LPO: variants seen among roughly 807,000 people sequenced by gnomAD.
LPO encodes the protein salivary peroxidase.
In LPO, 70 loss-of-function variants were observed where a neutral mutation model predicts 68.4. The ratio of observed to expected loss-of-function variants is 1.02; its 90% CI spans 0.84 to 1.25. The LOEUF (loss-of-function observed/expected upper bound fraction) is 1.25, where lower values mean the gene tolerates loss of function less well. Ranked by LOEUF, LPO falls within the 50% of genes most tolerant of loss-of-function variation. The probability of loss-of-function intolerance (pLI) is 0.00; values close to 1 mark genes in which losing one functional copy is unlikely to be tolerated. For missense variants in LPO, 873 were observed against 908.4 expected (o/e 0.96, Z 0.50); for synonymous variants, 360 against 357.6 (o/e 1.01, Z -0.08).
Position 58,249,683 on chromosome 17 carries a change from C to G in LPO, c.561C>G (p.Phe187Leu), listed in dbSNP as rs1413753565. Residue 187 changes from phenylalanine (F) to leucine (L), a missense_variant, in exon 6 of 13, where the codon TTC becomes TTG. Transcript: ENST00000262290. ...GWTPGKTRNG[F>L]PLPLAREVSN... ...CGCCGGGGAAGACGCGCAACGGCTT[C>G]CCTCTCCCGCTGGTGAGGGCAGGCC... 1 of 1,572,018 alleles carries G rather than the reference C, an allele frequency of 6.4e-7. No individual in the cohort carries two copies. Among genetic ancestry groups the G allele is most frequent in the Admixed American group, 1.8e-5 (1 of 54,616 alleles).
At chr17:58,256,405 G>A (rs138826511) in intron 9 of LPO, among the ~76,000 whole-genome samples, 3,295 of 145,234 alleles carry the variant, frequency 0.023, 41 homozygotes, top group Middle Eastern at 0.048. Flanking sequence ...CCATTTTTAG[G>A]TGTTTTTTTT....
At position 58,266,446 on chromosome 17, in the gene LPO, A is replaced by C. The variant is rs1970268499; in HGVS notation, c.1693+120A>C. 2.5e-6 allele frequency: 3 copies of C among 1,200,086 alleles called. No individual in the cohort carries two copies. The African/African-American group carries it at 4.7e-5, about 19-fold the overall frequency. 74.3% of individuals were successfully genotyped at this position (1,200,086 alleles called of 1,614,324 possible). On this transcript the variant is annotated intron_variant, in intron 11 of 12. Transcript: ENST00000262290. ...TCTGATCAATTCTGAAACAAAAGTCAGGCCAGTTTTTTTTGTTTGAGGTTT... is the reference window on the plus strand; with the variant it reads ...TCTGATCAATTCTGAAACAAAAGTCCGGCCAGTTTTTTTTGTTTGAGGTTT...
intron 8 of LPO, among the ~76,000 whole-genome samples, chr17:58,253,788 T>C (rs1030715841): frequency 1.3e-5 from 2 of 152,222 alleles, no homozygotes; most frequent in African/African-American, 2.4e-5. Flanking sequence ...CATAAAAATA[T>C]GCACTCACAC....
intron 1 of LPO, among the ~76,000 whole-genome samples, chr17:58,241,123 T>G (rs1969747916): frequency 6.9e-6 from 1 of 145,274 alleles, no homozygotes; most frequent in Admixed American, 6.7e-5. Context: ...CTTTTCTTTT[T>G]TCTTTTTTTT....
At chr17:58,240,203 AG>A in intron 1 of LPO, among the ~76,000 whole-genome samples, 1 of 152,206 alleles carries the variant, frequency 6.6e-6, no homozygotes, top group African/African-American at 2.4e-5. Context: ...TTAGCCAGAG[AG>A]GGTATTGTAT....
intron 1 of LPO, among the ~76,000 whole-genome samples, chr17:58,239,984 G>A (rs1969724003): frequency 6.6e-6 from 1 of 152,110 alleles, no homozygotes; most frequent in Admixed American, 6.5e-5. Flanking sequence ...ACATGCTTAG[G>A]TCCTGGGAAA....
In LPO at chr17:58,268,252, T is replaced by C. The variant is rs569163607; in HGVS notation, c.*258T>C. The stretch of plus-strand genomic sequence containing the variant: ...GAGATGCCCTTCTGCTCCAGCTTGC[T>C]GGATGTTACCTGTCCTCTTCCCTCC... On this transcript the variant is annotated 3_prime_UTR_variant, in exon 13 of 13. Transcript: ENST00000262290. 18 of 510,622 alleles carry C rather than the reference T, an allele frequency of 3.5e-5. No homozygotes were observed. Among genetic ancestry groups the C allele is most frequent in the African/African-American group, 2.5e-4 (13 of 52,030 alleles). 31.6% of individuals were successfully genotyped at this position (510,622 alleles called of 1,614,324 possible). A position where few individuals can be genotyped will look rare whatever the true frequency, so the allele number is the denominator to read the frequency against.
chr17:58,254,551 A>C, intron 8 of LPO: 1 of 329,040 alleles, frequency 3.0e-6, no homozygotes. Context: ...TCATTTTCAT[A>C]GGTAAGGAGA....
At chr17:58,253,976 G>T (rs557528088) in intron 8 of LPO, among the ~76,000 whole-genome samples, 3 of 152,080 alleles carry the variant, frequency 2.0e-5, no homozygotes, top group African/African-American at 7.2e-5. Context: ...GCAACACATG[G>T]TGGCACATGC....
At chr17:58,241,740 A>G (rs1193225268) in intron 1 of LPO, among the ~76,000 whole-genome samples, 1 of 151,630 alleles carries the variant, frequency 6.6e-6, no homozygotes, top group Non-Finnish European at 1.5e-5. Context: ...CAAAAAGTAC[A>G]ACAAGATACA....
In LPO at chr17:58,249,164, G is replaced by T. The variant is rs769716437; in HGVS notation, c.430G>T (p.Asp144Tyr). ...CAGCCCTTACCGCACCATTACGGGA[G>T]ACTGCAATAACAGGTGGCGGGGCTT... ...PCSPYRTITGDCNNRRKPALG... is the reference protein window; with the variant it reads ...PCSPYRTITGYCNNRRKPALG... The change falls in exon 5 of 13, where the codon GAC becomes TAC. Residue 144 changes from aspartate (D) to tyrosine (Y), a missense_variant. Physicochemically the swap from Asp to Tyr is radical, Grantham distance 160. Coordinates refer to ENST00000262290, the MANE Select transcript of LPO (RefSeq NM_006151.3). The T allele has an allele frequency of 1.2e-6, 2 of 1,614,136 alleles. No homozygotes were observed. The highest frequency in any genetic ancestry group is 2.2e-5 in the South Asian group (2 of 91,086).
Position 58,268,122 on chromosome 17 carries a change from C to A in LPO, c.*128C>A, listed in dbSNP as rs1386506804. 1 of 936,182 alleles carries A rather than the reference C, an allele frequency of 1.1e-6. No individual in the cohort carries two copies. Among genetic ancestry groups the A allele is most frequent in the African/African-American group, 1.7e-5 (1 of 60,386 alleles). 58.0% of individuals were successfully genotyped at this position (936,182 alleles called of 1,614,324 possible). Reference sequence around the variant, plus strand: ...CTTTGCAGCTGGGCCTCTCTATACCCCTGGATGAACAGCTTGCTCAGGCCC... The same window carrying A: ...CTTTGCAGCTGGGCCTCTCTATACCACTGGATGAACAGCTTGCTCAGGCCC... On this transcript the variant is annotated 3_prime_UTR_variant, in exon 13 of 13. Transcript: ENST00000262290.
rs375037671 is a variant in LPO, at chr17:58,267,505, C to T, written c.1850C>T (p.Pro617Leu). 46 of 1,614,196 alleles carry T rather than the reference C, an allele frequency of 2.8e-5. No homozygotes were observed. Among genetic ancestry groups the T allele is most frequent in the Non-Finnish European group, 3.5e-5 (41 of 1,180,030 alleles). ...IDIWIGAIAE[P>L]LVERGRVGPL... ...ATCTGGATAGGGGCCATTGCTGAGC[C>T]GCTGGTGGAAAGGGGTCGGGTGGGG... The change falls in exon 12 of 13, where the codon CCG (proline) becomes CTG (leucine). Residue 617 changes from proline (P) to leucine (L), a missense_variant. Pro to Leu is a moderately conservative substitution (Grantham distance 98). Transcript: ENST00000262290.
chr17:58,252,043 T>C lies in LPO; in HGVS notation c.781-139T>C, dbSNP rs1969967062. 21 of 777,464 alleles carry C rather than the reference T, an allele frequency of 2.7e-5. No individual in the cohort carries two copies. In the South Asian group the frequency reaches 3.0e-4, roughly 11 times the overall value. 48.2% of individuals were successfully genotyped at this position (777,464 alleles called of 1,614,324 possible). A position where few individuals can be genotyped will look rare whatever the true frequency, so the allele number is the denominator to read the frequency against. On this transcript the variant is annotated intron_variant, in intron 7 of 12. Transcript: ENST00000262290. ...CAGGGTGTGTAATGTCAGCAAGAAG[T>C]GTCTGGGGTCAGTGTCTGGTACCAG...
intron 1 of LPO, among the ~76,000 whole-genome samples, chr17:58,239,500 G>C (rs1409557548): frequency 6.6e-6 from 1 of 152,044 alleles, no homozygotes; most frequent in Non-Finnish European, 1.5e-5. Flanking sequence ...TTCTCATCCT[G>C]ATCTTGGAGT....
chr17:58,256,905 CTT>C (rs918485519), intron 9 of LPO, among the ~76,000 whole-genome samples: 5 of 149,148 alleles, frequency 3.4e-5, no homozygotes, highest in Admixed American at 1.3e-4. Context: ...CAGTTACACT[CTT>C]AAGTTATTTG....
intron 9 of LPO, among the ~76,000 whole-genome samples, chr17:58,256,661 A>C (rs569863827): frequency 5.9e-5 from 9 of 152,076 alleles, no homozygotes; most frequent in Non-Finnish European, 1.0e-4. Flanking sequence ...TAAAAATACA[A>C]AAATTAGCTG....
intron 3 of LPO, among the ~76,000 whole-genome samples, chr17:58,245,453 G>A (rs1040552748): frequency 2.0e-5 from 3 of 152,122 alleles, no homozygotes; most frequent in African/African-American, 7.2e-5. Context: ...TCTCTGGCCA[G>A]TGGCTCCCAG....
At chr17:58,245,933 C>G (rs8178305) in intron 3 of LPO, among the ~76,000 whole-genome samples, 24 of 152,218 alleles carry the variant, frequency 1.6e-4, no homozygotes, top group Admixed American at 5.2e-4. Context: ...TGGAGGAGCC[C>G]TTCCCTGCTG....
Sources: allele counts gnomAD v4.1 joint callset (sites outside exome capture counted in the v4.1 genomes callset), GRCh38; gene constraint gnomAD v4.1.1; transcripts MANE v1.5; gene names NCBI Gene and HGNC (gene_info 2026-07-23, HGNC 2026-07-21).